C3orf70: variants seen among roughly 807,000 people sequenced by gnomAD.
C3orf70 encodes chromosome 3 open reading frame 70, also known as UPF0524 protein C3orf70.
C3orf70 carries 15 observed loss-of-function variants against 20.7 expected under a neutral mutation model. The observed-to-expected ratio is 0.72, with a 90% CI of 0.48 to 1.11. C3orf70 has a LOEUF of 1.11. Among genes scored for constraint, C3orf70 ranks in the 50% most tolerant of loss-of-function variants. The pLI is 0.00. For synonymous variants in C3orf70, 161 were observed against 125.7 expected (o/e 1.28, Z -1.88); for missense variants, 332 against 317.6 (o/e 1.05, Z -0.34).
In C3orf70 at chr3:185,079,511, A is replaced by G. The variant is rs1715284873; in HGVS notation, c.*3496T>C. ...TTCATATCTTAAAAATGACATAGTA[A>G]AAAAGACCTAGATGTGATAGTAAAC... On this transcript the variant is annotated 3_prime_UTR_variant, in exon 2 of 2. Coordinates refer to ENST00000335012, the MANE Select transcript of C3orf70 (RefSeq NM_001025266.3). The G allele has an allele frequency of 1.3e-5, 2 of 152,174 alleles. No homozygotes were observed. The highest frequency in any genetic ancestry group is 2.4e-5 in the African/African-American group (1 of 41,434). The allele number at this position is 152,174 out of a possible 1,614,324, so 9.4% of individuals were successfully genotyped here.
chr3:185,110,576 G>T (rs1236966581), intron 1 of C3orf70, among the ~76,000 whole-genome samples: 1 of 151,344 alleles, frequency 6.6e-6, no homozygotes, highest in Non-Finnish European at 1.5e-5. Flanking sequence ...CCATAAACTG[G>T]CCCCAAAACT....
intron 1 of C3orf70, among the ~76,000 whole-genome samples, chr3:185,145,509 C>T (rs1004867816): frequency 6.6e-6 from 1 of 152,154 alleles, no homozygotes; most frequent in Admixed American, 6.5e-5. Context: ...GAGTTCACAA[C>T]CATTCCAAAA....
intron 1 of C3orf70, among the ~76,000 whole-genome samples, chr3:185,139,484 C>G (rs995080915): frequency 6.7e-6 from 1 of 148,518 alleles, no homozygotes; most frequent in Non-Finnish European, 1.5e-5. Flanking sequence ...ACCCAGGAGG[C>G]AGAGGTTGCA....
At chr3:185,110,927 C>T (rs1716057959) in intron 1 of C3orf70, among the ~76,000 whole-genome samples, 2 of 152,174 alleles carry the variant, frequency 1.3e-5, no homozygotes, top group Admixed American at 1.3e-4. Context: ...TGTTCGGGCT[C>T]TCAGCTCTGC....
chr3:185,114,729 A>C (rs1246902532), intron 1 of C3orf70, among the ~76,000 whole-genome samples: 1 of 152,348 alleles, frequency 6.6e-6, no homozygotes, highest in East Asian at 1.9e-4. Flanking sequence ...GCTCTAGTCT[A>C]ATTCTTTAAT....
chr3:185,128,453 C>A (rs1716457743), intron 1 of C3orf70, among the ~76,000 whole-genome samples: 1 of 151,242 alleles, frequency 6.6e-6, no homozygotes, highest in Non-Finnish European at 1.5e-5. Flanking sequence ...GCCTGAACCC[C>A]AGAAGCAGAG....
rs538960201 is a variant in C3orf70, at chr3:185,077,598, T to C, written c.*5409A>G. Among the ~76,000 whole-genome samples, 3 of 152,248 alleles carry C rather than the reference T, an allele frequency of 2.0e-5. No homozygotes were observed. In the South Asian group the frequency reaches 6.2e-4, roughly 32 times the overall value. On this transcript the variant is annotated 3_prime_UTR_variant, in exon 2 of 2. Coordinates refer to ENST00000335012, the MANE Select transcript of C3orf70 (RefSeq NM_001025266.3). ...CCTTGAAGCTGTTCTTTTCTGAGTA[T>C]GGACTTGCCGCGCTGAGGCCTGGCC...
In C3orf70 at chr3:185,152,946, C is replaced by G. The variant is rs1459515510; in HGVS notation, c.-123G>C. 5 of 877,574 alleles carry G rather than the reference C, an allele frequency of 5.7e-6. No homozygotes were observed. The highest frequency in any genetic ancestry group is 7.5e-6 in the Non-Finnish European group (5 of 663,272). The allele number at this position is 877,574 out of a possible 1,614,324, so 54.4% of individuals were successfully genotyped here. A position where few individuals can be genotyped will look rare whatever the true frequency, so the allele number is the denominator to read the frequency against. ...GCACGGGCCGGGAGTCACGCCAGCA[C>G]GCGGCGGCGGCGGGAGCGCGGCGGT... On this transcript the variant is annotated 5_prime_UTR_variant, in exon 1 of 2. Coordinates refer to ENST00000335012, the MANE Select transcript of C3orf70 (RefSeq NM_001025266.3).
chr3:185,078,191 T>C lies in C3orf70; in HGVS notation c.*4816A>G, dbSNP rs2108583148. The C allele has an allele frequency of 6.5e-6, 1 of 152,778 alleles. No individual in the cohort carries two copies. The highest frequency in any genetic ancestry group is 2.1e-4 in the South Asian group (1 of 4,832). 9.5% of individuals were successfully genotyped at this position (152,778 alleles called of 1,614,324 possible). ...ATTACAGAAGAGTCAACATTGTGCTTAAAACTTTAAAATAGTTTTTAAAAA... is the reference window on the plus strand; with the variant it reads ...ATTACAGAAGAGTCAACATTGTGCTCAAAACTTTAAAATAGTTTTTAAAAA... On this transcript the variant is annotated 3_prime_UTR_variant, in exon 2 of 2. Coordinates refer to ENST00000335012, the MANE Select transcript of C3orf70 (RefSeq NM_001025266.3).
At chr3:185,138,781 A>C (rs1197179304) in intron 1 of C3orf70, among the ~76,000 whole-genome samples, 1 of 152,172 alleles carries the variant, frequency 6.6e-6, no homozygotes, top group East Asian at 1.9e-4. Context: ...TCTACAAAAA[A>C]TCTACTGCTA....
chr3:185,132,194 T>C (rs1023810693), intron 1 of C3orf70, among the ~76,000 whole-genome samples: 3 of 152,166 alleles, frequency 2.0e-5, no homozygotes, highest in Non-Finnish European at 4.4e-5. Context: ...AGTTAAAAAT[T>C]TGTGAAACAT....
intron 1 of C3orf70, among the ~76,000 whole-genome samples, chr3:185,119,467 A>G (rs958165083): frequency 6.6e-6 from 1 of 152,100 alleles, no homozygotes; most frequent in African/African-American, 2.4e-5. Flanking sequence ...CCTGGCCAAC[A>G]TGGTGAAACC....
chr3:185,122,703 G>A (rs989494166), intron 1 of C3orf70, among the ~76,000 whole-genome samples: 35 of 152,168 alleles, frequency 2.3e-4, no homozygotes, highest in Non-Finnish European at 1.2e-4. Context: ...TTCCAGAAGA[G>A]GTTAGTGTGT....
intron 1 of C3orf70, among the ~76,000 whole-genome samples, chr3:185,145,336 A>G (rs1362545287): frequency 6.6e-6 from 1 of 152,266 alleles, no homozygotes; most frequent in African/African-American, 2.4e-5. Flanking sequence ...TGGTGTGTAT[A>G]CAATTCTAAA....
intron 1 of C3orf70, among the ~76,000 whole-genome samples, chr3:185,122,849 T>C (rs759316079): frequency 3.9e-5 from 6 of 151,992 alleles, no homozygotes; most frequent in Non-Finnish European, 5.9e-5. Context: ...TTCCGCTCCT[T>C]GGACATCAAA....
chr3:185,110,437 A>G (rs993823259), intron 1 of C3orf70, among the ~76,000 whole-genome samples: 12 of 152,186 alleles, frequency 7.9e-5, no homozygotes, highest in Admixed American at 2.6e-4. Flanking sequence ...TTGTCTTTGT[A>G]TAGTCTGCAG....
chr3:185,115,979 A>C lies in C3orf70; in HGVS notation c.197-32416T>G, dbSNP rs943257145. 1.3e-5 allele frequency among the ~76,000 whole-genome samples: 2 copies of C among 152,186 alleles called. 1 individual carries two copies. The highest frequency in any genetic ancestry group is 1.3e-4 in the Admixed American group (2 of 15,280). Reference sequence around the variant, plus strand: ...TTGGGGATTAGGATTTCAATATATGAATTTGGACGGTGGGGGACCAAACAT... The same window carrying C: ...TTGGGGATTAGGATTTCAATATATGCATTTGGACGGTGGGGGACCAAACAT... On this transcript the variant is annotated intron_variant, in intron 1 of 1. Coordinates refer to ENST00000335012, the MANE Select transcript of C3orf70 (RefSeq NM_001025266.3).
intron 1 of C3orf70, among the ~76,000 whole-genome samples, chr3:185,148,999 C>T (rs998390658): frequency 3.3e-5 from 5 of 152,198 alleles, no homozygotes; most frequent in Non-Finnish European, 7.3e-5. Flanking sequence ...CTTTTTCAAG[C>T]ATCAGGATAA....
chr3:185,135,393 G>T (rs1437872128), intron 1 of C3orf70, among the ~76,000 whole-genome samples: 1 of 152,184 alleles, frequency 6.6e-6, no homozygotes, highest in Non-Finnish European at 1.5e-5. Flanking sequence ...GGCTGAGGCA[G>T]GCAGAAAACC....
Sources: allele counts gnomAD v4.1 joint callset (sites outside exome capture counted in the v4.1 genomes callset), GRCh38; gene constraint gnomAD v4.1.1; transcripts MANE v1.5; gene names NCBI Gene and HGNC (gene_info 2026-07-23, HGNC 2026-07-21).